LMNB1: variants seen among roughly 807,000 people sequenced by gnomAD.
LMNB1 encodes the protein lamin B1, also known as lamin-B1.
In LMNB1, 23 loss-of-function variants were observed where a neutral mutation model predicts 67.1. That is an observed-to-expected ratio of 0.34 (90% CI 0.25 to 0.49). The LOEUF (loss-of-function observed/expected upper bound fraction) is 0.49. Ranked by LOEUF, LMNB1 falls within the 20% of genes least tolerant of loss-of-function variation. The probability of loss-of-function intolerance (pLI) is 0.99; values close to 1 mark genes in which losing one functional copy is unlikely to be tolerated. For missense variants in LMNB1, 634 were observed against 746.5 expected, an observed-to-expected ratio of 0.85 and a Z score of 1.76; for synonymous variants, 281 against 282.9, an observed-to-expected ratio of 0.99 and a Z score of 0.07.
Position 126,808,456 on chromosome 5 carries a change from T to TG in LMNB1, c.643-1721dup, listed in dbSNP as rs1751506532. ...CACTCGCCTCAGCCTCCCAAAGTGC[T>TG]GGGATTACAGGTGTGAGCCACTACG... On this transcript the variant is annotated intron_variant, in intron 3 of 10. Coordinates refer to ENST00000261366, the MANE Select transcript of LMNB1 (RefSeq NM_005573.4). 2.0e-5 allele frequency among the ~76,000 whole-genome samples: 3 copies of TG among 151,952 alleles called. No homozygotes were observed. The South Asian group carries it at 6.2e-4, about 32-fold the overall frequency.
intron 8 of LMNB1, 31 bp downstream of exon 8, chr5:126,822,916 C>A: frequency 7.3e-7 from 1 of 1,379,198 alleles, no homozygotes; most frequent in Non-Finnish European, 1.0e-6. Flanking sequence ...TTTAATTTAA[C>A]TTCATTGTGT....
intron 1 of LMNB1, among the ~76,000 whole-genome samples, chr5:126,779,409 T>C (rs1750566335): frequency 6.6e-6 from 1 of 152,212 alleles, no homozygotes; most frequent in Admixed American, 6.5e-5. Context: ...TCTTTTAAAA[T>C]GAGCAGTCAG....
At chr5:126,787,680 A>T (rs1750845222) in intron 1 of LMNB1, among the ~76,000 whole-genome samples, 1 of 150,304 alleles carries the variant, frequency 6.7e-6, no homozygotes, top group African/African-American at 2.5e-5. Flanking sequence ...CGTCCCAAGT[A>T]GCTGGGATTA....
rs750727860 is a variant in LMNB1 at position 126,822,859 on chromosome 5, G to A, written c.1465G>A (p.Val489Met). 6 of 1,607,748 alleles carry A rather than the reference G, an allele frequency of 3.7e-6. No individual in the cohort carries two copies. The highest frequency in any genetic ancestry group is 5.1e-6 in the Non-Finnish European group (6 of 1,174,550). Reference protein sequence around the residue: ...SVSYKYTSRYVLKAGQTVTIW... With the variant: ...SVSYKYTSRYMLKAGQTVTIW... The stretch of plus-strand genomic sequence containing the variant: ...CAGTTATAAATATACCTCAAGATAT[G>A]TGCTGAAGGCAGGCCAGACTGTTAC... The change falls in exon 8 of 11, where the codon GTG becomes ATG. Residue 489 changes from valine (V) to methionine (M), a missense_variant. Transcript: ENST00000261366.
At position 126,811,768 on chromosome 5, in the gene LMNB1, T is replaced by C; in HGVS notation, c.814-5T>C. On this transcript the variant is annotated splice_region_variant and splice_polypyrimidine_tract_variant and intron_variant, in intron 4 of 10. Coordinates refer to ENST00000261366, the MANE Select transcript of LMNB1 (RefSeq NM_005573.4). The stretch of plus-strand genomic sequence containing the variant: ...AGACTGACTATGCTTTGCTTCTTCT[T>C]TTAGCTTGAGAATGCCAGACTGTCA... 2 of 1,600,108 alleles carry C rather than the reference T, an allele frequency of 1.2e-6. No individual in the cohort carries two copies. The highest frequency in any genetic ancestry group is 1.7e-6 in the Non-Finnish European group (2 of 1,168,926).
At chr5:126,790,193 C>T (rs1313487815) in intron 1 of LMNB1, among the ~76,000 whole-genome samples, 1 of 152,148 alleles carries the variant, frequency 6.6e-6, no homozygotes, top group Non-Finnish European at 1.5e-5. Flanking sequence ...ATAACCTCCA[C>T]CTCCCACGTT....
At chr5:126,829,962 G>A (rs1184364684) in intron 9 of LMNB1, among the ~76,000 whole-genome samples, 1 of 152,028 alleles carries the variant, frequency 6.6e-6, no homozygotes, top group African/African-American at 2.4e-5. Flanking sequence ...TTTTATGAGG[G>A]AAATAAAAAA....
intron 4 of LMNB1, 158 bp from the exon 5 acceptor site, chr5:126,811,615 A>G (rs781376968): frequency 3.7e-6 from 2 of 540,622 alleles, no homozygotes; most frequent in Non-Finnish European, 6.6e-6. Context: ...CAGAATTACC[A>G]TCATTCACAC....
At chr5:126,835,898 G>C (rs1242417494) in intron 10 of LMNB1, among the ~76,000 whole-genome samples, 1 of 152,128 alleles carries the variant, frequency 6.6e-6, no homozygotes, top group Non-Finnish European at 1.5e-5. Flanking sequence ...GACCAGCCTG[G>C]CTAACGTGGT....
intron 8 of LMNB1, among the ~76,000 whole-genome samples, chr5:126,824,968 T>G (rs976524787): frequency 4.6e-5 from 7 of 152,134 alleles, no homozygotes; most frequent in South Asian, 2.1e-4. Flanking sequence ...GATTACAGGC[T>G]GGAGCCACTA....
chr5:126,828,807 A>G (rs1263915221), intron 9 of LMNB1, among the ~76,000 whole-genome samples: 2 of 148,390 alleles, frequency 1.3e-5, no homozygotes, highest in African/African-American at 4.9e-5. Context: ...GTGATCCGTC[A>G]CCTCGGCCTC....
chr5:126,803,738 A>G (rs980115820), intron 1 of LMNB1, among the ~76,000 whole-genome samples: 14 of 151,738 alleles, frequency 9.2e-5, no homozygotes, highest in Non-Finnish European at 2.1e-4. Flanking sequence ...TTTGGTAAAG[A>G]CGAGGTTTTA....
chr5:126,822,394 C>A lies in LMNB1; in HGVS notation c.1387-387C>A, dbSNP rs944514240. 2.2e-4 allele frequency among the ~76,000 whole-genome samples: 34 copies of A among 152,150 alleles called. 1 individual carries two copies. Among genetic ancestry groups the A allele is most frequent in the African/African-American group, 8.0e-4 (33 of 41,434 alleles). On this transcript the variant is annotated intron_variant, in intron 7 of 10. Transcript: ENST00000261366. ...GAAAATGACAGATTTTCTTCTGTTT[C>A]TAAGCTTATGTGTCTATTTTAAAAG...
At chr5:126,836,100 A>G in intron 10 of LMNB1, 123 bp from the exon 11 acceptor site, 1 of 709,796 alleles carries the variant, frequency 1.4e-6, no homozygotes, top group Non-Finnish European at 2.5e-6. Flanking sequence ...AGAGATGATA[A>G]AGGGTCCATT....
intron 6 of LMNB1, among the ~76,000 whole-genome samples, 178 bp from the exon 7 acceptor site, chr5:126,820,732 G>A (rs759800439): frequency 2.0e-5 from 3 of 151,862 alleles, no homozygotes; most frequent in Non-Finnish European, 2.9e-5. Context: ...CACCATGTTG[G>A]TCAGGCTGAT....
At chr5:126,799,023 T>G (rs1213573373) in intron 1 of LMNB1, among the ~76,000 whole-genome samples, 2 of 150,468 alleles carry the variant, frequency 1.3e-5, no homozygotes, top group African/African-American at 2.4e-5. Context: ...GCATTGACTT[T>G]TTTTTTTTTT....
At chr5:126,779,034 CG>C (rs1435003666) in intron 1 of LMNB1, among the ~76,000 whole-genome samples, 1 of 152,112 alleles carries the variant, frequency 6.6e-6, no homozygotes, top group East Asian at 1.9e-4. Context: ...AATTCATGGT[CG>C]CCATTAGCAC....
intron 1 of LMNB1, among the ~76,000 whole-genome samples, chr5:126,778,726 C>T (rs1561730991): frequency 6.6e-6 from 1 of 152,140 alleles, no homozygotes; most frequent in East Asian, 1.9e-4. Flanking sequence ...CCAGCTTTTG[C>T]CTCCTCGTAG....
intron 5 of LMNB1, among the ~76,000 whole-genome samples, chr5:126,816,268 A>G (rs759506258): frequency 2.1e-4 from 32 of 152,326 alleles, no homozygotes; most frequent in Non-Finnish European, 3.7e-4. Flanking sequence ...TCTAAATAGC[A>G]TGTCAAGTCA....
Sources: allele counts gnomAD v4.1 joint callset (sites outside exome capture counted in the v4.1 genomes callset), GRCh38; gene constraint gnomAD v4.1.1; transcripts MANE v1.5; gene names NCBI Gene and HGNC (gene_info 2026-07-23, HGNC 2026-07-21).